KIF15: variants seen among roughly 807,000 people sequenced by gnomAD.
KIF15 encodes kinesin-like protein KIF15.
A neutral mutation model predicts 190.6 loss-of-function variants in KIF15; 140 were observed. The observed-to-expected ratio is 0.73, with a 90% CI of 0.64 to 0.84. KIF15 has a LOEUF of 0.84. Ranked by LOEUF, KIF15 falls within the 40% of genes least tolerant of loss-of-function variation. The pLI is 0.00. For missense variants in KIF15, 1,372 were observed against 1,584.4 expected (o/e 0.87, Z 2.28); for synonymous variants, 528 against 551.3 (o/e 0.96, Z 0.59).
At chr3:44,811,584 G>T (rs1287437372) in intron 17 of KIF15, among the ~76,000 whole-genome samples, 1 of 152,186 alleles carries the variant, frequency 6.6e-6, no homozygotes, top group African/African-American at 2.4e-5. Context: ...GGCGGAGGTT[G>T]CAGTGAGCCG....
At chr3:44,786,718 T>G (rs944324806) in intron 7 of KIF15, 144 bp downstream of exon 7, 22 of 592,232 alleles carry the variant, frequency 3.7e-5, no homozygotes, top group African/African-American at 3.2e-4. Context: ...AAAGATAAAA[T>G]AATATGGCAG....
intron 20 of KIF15, among the ~76,000 whole-genome samples, chr3:44,821,764 A>G (rs1266438965): frequency 1.3e-5 from 2 of 152,214 alleles, no homozygotes; most frequent in African/African-American, 4.8e-5. Context: ...TTGGGAGGCC[A>G]AGGCAGGCGG....
At chr3:44,767,661 C>T (rs1022044758) in intron 1 of KIF15, among the ~76,000 whole-genome samples, 4 of 151,412 alleles carry the variant, frequency 2.6e-5, no homozygotes, top group African/African-American at 4.9e-5. Context: ...TTTGGGAGGC[C>T]GAGGCGGGTG....
intron 7 of KIF15, among the ~76,000 whole-genome samples, chr3:44,789,468 T>A (rs1484576282): frequency 5.3e-5 from 8 of 151,622 alleles, no homozygotes; most frequent in Non-Finnish European, 8.8e-5. Flanking sequence ...TATGGATTAA[T>A]AACCTTTTTC....
In KIF15 at chr3:44,847,012, A is replaced by G. The variant is rs138371066; in HGVS notation, c.3696-973A>G. Among the ~76,000 whole-genome samples the G allele has an allele frequency of 8.6e-3, 1,317 of 152,322 alleles. 12 individuals carry two copies. The highest frequency in any genetic ancestry group is 0.034 in the Middle Eastern group (10 of 294). On this transcript the variant is annotated intron_variant, in intron 30 of 34. Coordinates refer to ENST00000326047, the MANE Select transcript of KIF15 (RefSeq NM_020242.3). ...AATAGCTAAGTTGAATAGCTGTGGC[A>G]GAGACCGCATGGCTCCCAAAGCCTG... is the stretch of plus-strand genomic sequence containing the variant.
At chr3:44,838,655 C>T (rs1231800485) in intron 27 of KIF15, among the ~76,000 whole-genome samples, 1 of 147,826 alleles carries the variant, frequency 6.8e-6, no homozygotes, top group African/African-American at 2.5e-5. Flanking sequence ...GGCTGAGGCA[C>T]AAGAATTGCT....
intron 29 of KIF15, 94 bp downstream of exon 29, chr3:44,841,332 T>C: frequency 1.1e-6 from 1 of 885,662 alleles, no homozygotes; most frequent in Non-Finnish European, 1.7e-6. Context: ...TCCATTTGCC[T>C]CAGCCACCCA....
Position 44,797,574 on chromosome 3 carries a change from A to G in KIF15, c.873A>G (p.Ser291=), listed in dbSNP as rs763071127. Residue 291 remains serine, a synonymous_variant, in exon 9 of 35, where the codon TCA becomes TCG. Coordinates refer to ENST00000326047, the MANE Select transcript of KIF15 (RefSeq NM_020242.3). ...AGGAAGCAGGTAACATAAATCGATC[A>G]TTGAGCTGCCTGGGCCAAGTGATTA... is the stretch of plus-strand genomic sequence containing the variant. ...RLKEAGNINR[S]LSCLGQVITA... is the part of the protein sequence containing the mutation. The G allele has an allele frequency of 1.9e-6, 3 of 1,614,080 alleles. No homozygotes were observed. Among genetic ancestry groups the G allele is most frequent in the Non-Finnish European group, 2.5e-6 (3 of 1,179,996 alleles).
chr3:44,852,073 A>G, intron 33 of KIF15, 121 bp downstream of exon 33: 14 of 1,417,626 alleles, frequency 9.9e-6, no homozygotes, highest in Non-Finnish European at 1.2e-5. Flanking sequence ...TTGTATGAAG[A>G]GTTGTGAGGC....
intron 28 of KIF15, among the ~76,000 whole-genome samples, chr3:44,840,730 A>G (rs1434611550): frequency 2.4e-5 from 3 of 124,514 alleles, no homozygotes; most frequent in African/African-American, 6.2e-5. Context: ...GTGCAGTGGC[A>G]TGATCTCGGC....
At chr3:44,806,332 G>T (rs796289514) in intron 16 of KIF15, among the ~76,000 whole-genome samples, 13 of 152,312 alleles carry the variant, frequency 8.5e-5, no homozygotes, top group African/African-American at 2.9e-4. Flanking sequence ...TAGATAAGCT[G>T]CCTGGTACCT....
At chr3:44,769,568 A>T (rs1394702857) in intron 1 of KIF15, among the ~76,000 whole-genome samples, 1 of 152,156 alleles carries the variant, frequency 6.6e-6, no homozygotes, top group Non-Finnish European at 1.5e-5. Flanking sequence ...CATGATGTTT[A>T]TCCATGAAAC....
intron 1 of KIF15, among the ~76,000 whole-genome samples, chr3:44,763,177 A>G (rs771048966): frequency 2.0e-5 from 3 of 152,190 alleles, no homozygotes; most frequent in African/African-American, 4.8e-5. Context: ...ATGACTTCCC[A>G]GTTAAAGTGC....
At chr3:44,861,896 G>C in intron 6 of KIF15, 1 of 1,488,074 alleles carries the variant, frequency 6.7e-7, no homozygotes, top group Non-Finnish European at 8.9e-7. Flanking sequence ...TGCGGGCAGC[G>C]GGTGCCAGGC....
Position 44,786,525 on chromosome 3 carries a change from T to C in KIF15, c.590T>C (p.Val197Ala). The C allele has an allele frequency of 1.9e-6, 3 of 1,613,210 alleles. No homozygotes were observed. Among genetic ancestry groups the C allele is most frequent in the Non-Finnish European group, 1.7e-6 (2 of 1,179,398 alleles). ...LREHIKKGVF[V>A]VGAVEQVVTS... Reference sequence around the variant, plus strand: ...GAGCATATCAAGAAGGGAGTCTTTGTTGTTGGTGCGGTGGAGCAGGTGGTA... The same window carrying C: ...GAGCATATCAAGAAGGGAGTCTTTGCTGTTGGTGCGGTGGAGCAGGTGGTA... Residue 197 changes from valine (V) to alanine (A), a missense_variant, in exon 7 of 35, where the codon GTT (valine) becomes GCT (alanine). Coordinates refer to ENST00000326047, the MANE Select transcript of KIF15 (RefSeq NM_020242.3).
rs774997332 is a variant in KIF15, at chr3:44,805,849, A to G, written c.1834A>G (p.Arg612Gly). 11 of 1,612,400 alleles carry G rather than the reference A, an allele frequency of 6.8e-6. No individual in the cohort carries two copies. Among genetic ancestry groups the G allele is most frequent in the Non-Finnish European group, 9.3e-6 (11 of 1,179,570 alleles). The part of the protein sequence containing the change: ...YEEFKELTRK[R>G]QLELESELQS... ...CCGTTTTACAATATCTATTAGGAAA[A>G]GGCAGCTAGAATTGGAATCAGAGCT... The change falls in exon 16 of 35, where the codon AGG becomes GGG. Residue 612 changes from arginine (R) to glycine (G), a missense_variant. Physicochemically the swap from Arg to Gly is moderately radical, Grantham distance 125 (BLOSUM62 -2). Transcript: ENST00000326047.
chr3:44,822,836 G>T (rs535060804), intron 20 of KIF15, among the ~76,000 whole-genome samples: 1 of 152,198 alleles, frequency 6.6e-6, no homozygotes, highest in East Asian at 1.9e-4. Context: ...AAGTTCTCAT[G>T]CTCTGGTTTT....
downstream of KIF15, among the ~76,000 whole-genome samples, chr3:44,854,348 ACACTC>A (rs1387193214): frequency 6.6e-6 from 1 of 151,122 alleles, no homozygotes; most frequent in Non-Finnish European, 1.5e-5. Context: ...TTGTACCACT[ACACTC>A]CAGCCTGGGC....
chr3:44,762,019 T>C lies in KIF15; in HGVS notation c.19+135T>C, dbSNP rs1213841582. 3 of 1,096,676 alleles carry C rather than the reference T, an allele frequency of 2.7e-6. No homozygotes were observed. In the African/African-American group the frequency reaches 4.6e-5, roughly 17 times the overall value. 67.9% of individuals were successfully genotyped at this position (1,096,676 alleles called of 1,614,324 possible). ...GAGCTGAGTGACCGGCGGGGACGTT[T>C]GGGAATCCCGCTCTGTCGCTCAAAG... On this transcript the variant is annotated intron_variant, in intron 1 of 34. Coordinates refer to ENST00000326047, the MANE Select transcript of KIF15 (RefSeq NM_020242.3).
Sources: allele counts gnomAD v4.1 joint callset (sites outside exome capture counted in the v4.1 genomes callset), GRCh38; gene constraint gnomAD v4.1.1; transcripts MANE v1.5; gene names NCBI Gene and HGNC (gene_info 2026-07-23, HGNC 2026-07-21).